PCDHA3: variants seen among roughly 807,000 people sequenced by gnomAD.
PCDHA3 encodes the protein protocadherin alpha 3, also known as protocadherin alpha-3.
A neutral mutation model predicts 62.2 loss-of-function variants in PCDHA3; 41 were observed. The observed-to-expected ratio is 0.66, with a 90% confidence interval of 0.51 to 0.86. PCDHA3 has a LOEUF of 0.86. Among genes scored for constraint, PCDHA3 ranks in the 40% least tolerant of loss-of-function variants. The pLI is 0.00. For synonymous variants in PCDHA3, 640 were observed against 555.4 expected, an observed-to-expected ratio of 1.15 and a Z score of -2.14; for missense variants, 1,304 against 1,241.2, an observed-to-expected ratio of 1.05 and a Z score of -0.76.
At chr5:140,991,277 C>G (rs1210642530) in intron 3 of PCDHA3, among the ~76,000 whole-genome samples, 1 of 152,148 alleles carries the variant, frequency 6.6e-6, no homozygotes, top group African/African-American at 2.4e-5. Flanking sequence ...CTGCTGAACT[C>G]TATACACTTA....
At chr5:140,939,104 T>G (rs2092317491) in intron 1 of PCDHA3, among the ~76,000 whole-genome samples, 1 of 152,160 alleles carries the variant, frequency 6.6e-6, no homozygotes, top group South Asian at 2.1e-4. Context: ...CAATAGAAAT[T>G]TATTTTTCAC....
chr5:140,839,690 G>A (rs1776366219), intron 1 of PCDHA3, among the ~76,000 whole-genome samples: 1 of 151,916 alleles, frequency 6.6e-6, no homozygotes, highest in African/African-American at 2.4e-5. Flanking sequence ...AGATTTTTTT[G>A]GGTAAATAAT....
chr5:140,927,192 G>T, intron 1 of PCDHA3: 4 of 1,614,154 alleles, frequency 2.5e-6, no homozygotes, highest in Non-Finnish European at 3.4e-6. Flanking sequence ...ACGACCTGGT[G>T]CTCGAGGACC....
chr5:140,835,635 G>C, intron 1 of PCDHA3: 1 of 1,613,914 alleles, frequency 6.2e-7, no homozygotes, highest in South Asian at 1.1e-5. Context: ...CCGCGAGAGT[G>C]TGTCCGCCTA....
chr5:140,963,438 CT>C (rs2095766112), intron 1 of PCDHA3, among the ~76,000 whole-genome samples: 1 of 152,242 alleles, frequency 6.6e-6, no homozygotes, highest in Admixed American at 6.5e-5. Context: ...TAACTTCATA[CT>C]CTGTTGCTAA....
At chr5:140,995,203 T>G (rs2097669345) in intron 3 of PCDHA3, among the ~76,000 whole-genome samples, 2 of 152,180 alleles carry the variant, frequency 1.3e-5, no homozygotes, top group African/African-American at 2.4e-5. Flanking sequence ...ATTTATAAAT[T>G]AGGCACAATA....
intron 1 of PCDHA3, chr5:140,823,705 CA>C: frequency 1.2e-6 from 2 of 1,613,974 alleles, no homozygotes; most frequent in Non-Finnish European, 1.7e-6. Context: ...AGCACCGCGC[CA>C]CCGCCTTCTG....
intron 1 of PCDHA3, chr5:140,884,562 A>G (rs782650365): frequency 3.1e-6 from 5 of 1,614,166 alleles, no homozygotes; most frequent in Admixed American, 1.7e-5. Flanking sequence ...GAGGGCCCGC[A>G]TAAGACGGAC....
chr5:140,869,327 T>A, intron 1 of PCDHA3: 1 of 1,613,922 alleles, frequency 6.2e-7, no homozygotes, highest in Middle Eastern at 1.7e-4. Context: ...GGGGACCTTC[T>A]GGAGGTAAAT....
intron 1 of PCDHA3, chr5:140,829,474 A>C: frequency 6.2e-7 from 1 of 1,613,826 alleles, no homozygotes; most frequent in Non-Finnish European, 8.5e-7. Context: ...CCGAGTACAC[A>C]GTGTTCGTGA....
At chr5:140,998,148 A>G (rs1229553205) in intron 3 of PCDHA3, among the ~76,000 whole-genome samples, 10 of 152,234 alleles carry the variant, frequency 6.6e-5, no homozygotes, top group Admixed American at 6.5e-4. Flanking sequence ...TGTACTGAAC[A>G]GTTAAGCCAT....
chr5:140,842,950 G>C, intron 1 of PCDHA3: 1 of 1,594,728 alleles, frequency 6.3e-7, no homozygotes, highest in South Asian at 1.1e-5. Context: ...CGGGCGTGCC[G>C]CCTCTGGGCA....
At chr5:140,967,357 T>C (rs782125763) in intron 1 of PCDHA3, 2 of 1,608,222 alleles carry the variant, frequency 1.2e-6, no homozygotes, top group Non-Finnish European at 1.7e-6. Context: ...AGCTGGACCT[T>C]AAGCCCCTGC....
intron 1 of PCDHA3, among the ~76,000 whole-genome samples, chr5:140,838,110 GTGTGT>G (rs1775541794): frequency 6.7e-6 from 1 of 149,788 alleles, no homozygotes; most frequent in Admixed American, 6.7e-5. Flanking sequence ...GTGTGTGTGT[GTGTGT>G]GTGTGTGTGT....
At chr5:140,942,544 G>A (rs546340510) in intron 1 of PCDHA3, among the ~76,000 whole-genome samples, 105 of 152,118 alleles carry the variant, frequency 6.9e-4, no homozygotes, top group African/African-American at 2.5e-3. Flanking sequence ...TATGGTGGGG[G>A]GTAGGGGGTT....
At chr5:140,894,446 T>TA (rs2064476840) in intron 1 of PCDHA3, among the ~76,000 whole-genome samples, 2 of 152,118 alleles carry the variant, frequency 1.3e-5, no homozygotes, top group East Asian at 3.9e-4. Flanking sequence ...AGCTCTTTTT[T>TA]AAAAAATATT....
At chr5:140,990,628 G>A (rs1380038956) in intron 3 of PCDHA3, among the ~76,000 whole-genome samples, 1 of 152,154 alleles carries the variant, frequency 6.6e-6, no homozygotes, top group African/African-American at 2.4e-5. Flanking sequence ...TCTGTGGTAA[G>A]ACTAGAAGCC....
intron 1 of PCDHA3, chr5:140,823,600 G>T: frequency 6.2e-7 from 1 of 1,614,032 alleles, no homozygotes; most frequent in Non-Finnish European, 8.5e-7. Context: ...GCTTTCGTAT[G>T]AGCTGCAGCC....
At chr5:140,854,631 G>T (rs373536386) in intron 1 of PCDHA3, 1 of 149,874 alleles carries the variant, frequency 6.7e-6, no homozygotes, top group African/African-American at 2.4e-5. Context: ...CTTTAGAAAA[G>T]TCAAAACATC....
Sources: gnomAD v4.1 joint callset for allele counts (sites outside exome capture counted in the v4.1 genomes callset) on GRCh38, gnomAD v4.1.1 for gene constraint, MANE v1.5 for transcripts, NCBI Gene and HGNC (gene_info 2026-07-23, HGNC 2026-07-21) for gene names.